MRI1: variants seen among roughly 807,000 people sequenced by gnomAD.
The protein encoded by MRI1 is methylthioribose-1-phosphate isomerase.
In MRI1, 32 loss-of-function variants were observed where a neutral mutation model predicts 27.3. That is an observed-to-expected ratio of 1.17 (90% CI 0.88 to 1.57). The LOEUF (loss-of-function observed/expected upper bound fraction) is 1.57. Ranked by LOEUF, MRI1 falls within the 40% of genes most tolerant of loss-of-function variation. MRI1 has a pLI of 0.00. For synonymous variants in MRI1, 216 were observed against 227.4 expected, an observed-to-expected ratio of 0.95 and a Z score of 0.45; for missense variants, 508 against 516.1, an observed-to-expected ratio of 0.98 and a Z score of 0.15.
intron 3 of MRI1, chr19:13,768,350 T>G (rs1974186527): frequency 7.3e-7 from 1 of 1,364,538 alleles, no homozygotes; most frequent in African/African-American, 1.4e-5. Flanking sequence ...GAAGGTGTCC[T>G]TTAAACAGAC....
In MRI1 at chr19:13,771,943, T is replaced by A. The variant is rs1974276388; in HGVS notation, c.950-178T>A. Among the ~76,000 whole-genome samples the A allele has an allele frequency of 2.0e-5, 3 of 151,906 alleles. No individual in the cohort carries two copies. In the South Asian group the frequency reaches 6.2e-4, roughly 32 times the overall value. On this transcript the variant is annotated intron_variant, in intron 5 of 5. Transcript: ENST00000040663. Reference sequence around the variant, plus strand: ...CTGACATTCTAGGGGCAGTGGCGAGTCTAAACTTACTATTGAGTACAATGT... The same window carrying A: ...CTGACATTCTAGGGGCAGTGGCGAGACTAAACTTACTATTGAGTACAATGT...
In MRI1 at chr19:13,765,948, C is replaced by A; in HGVS notation, c.372-6C>A. 3 of 1,589,166 alleles carry A rather than the reference C, an allele frequency of 1.9e-6. No homozygotes were observed. The highest frequency in any genetic ancestry group is 1.3e-5 in the African/African-American group (1 of 74,446). On this transcript the variant is annotated splice_polypyrimidine_tract_variant and splice_region_variant and intron_variant, in intron 2 of 5. Coordinates refer to ENST00000040663, the MANE Select transcript of MRI1 (RefSeq NM_001031727.4). ...GGCTGGTGCTGAAAACTCCTTGTCA[C>A]CCCAGAGTGATCTGCTGCACCGAGG...
chr19:13,768,254 G>T (rs1471866670), intron 3 of MRI1: 8 of 719,678 alleles, frequency 1.1e-5, no homozygotes, highest in Non-Finnish European at 2.0e-5. Flanking sequence ...GTGTTAGAAG[G>T]TGATAAATGC....
intron 5 of MRI1, among the ~76,000 whole-genome samples, chr19:13,771,639 A>AT (rs1372821794): frequency 1.3e-5 from 2 of 152,206 alleles, no homozygotes; most frequent in Non-Finnish European, 2.9e-5. Context: ...AGGCGGGCAG[A>AT]TCACCTGAGG....
In MRI1 at chr19:13,765,059, A is replaced by G; in HGVS notation, c.321A>G (p.Ala107=). ...ARAARDLADV[A]AREAEREGAT... ...CCGCCCGCGACCTGGCTGATGTTGC[A>G]GCCCGGGAGGCCGAACGGGAGGGCG... Residue 107 remains alanine, a synonymous_variant, in exon 2 of 6, where the codon GCA becomes GCG. Transcript: ENST00000040663. 1.3e-6 allele frequency: 2 copies of G among 1,522,386 alleles called. No individual in the cohort carries two copies. 94.3% of individuals were successfully genotyped at this position (1,522,386 alleles called of 1,614,324 possible).
intron 3 of MRI1, among the ~76,000 whole-genome samples, 198 bp downstream of exon 3, chr19:13,766,327 T>A (rs1046628558): frequency 2.0e-5 from 3 of 152,188 alleles, no homozygotes; most frequent in African/African-American, 7.2e-5. Context: ...GACCTATCTA[T>A]CTCTGTGCTT....
intron 2 of MRI1, 133 bp from the exon 3 acceptor site, chr19:13,765,821 A>C: frequency 1.0e-6 from 1 of 983,140 alleles, no homozygotes; most frequent in Non-Finnish European, 1.5e-6. Context: ...GCCCTGGCCG[A>C]AGGGTCCAGG....
chr19:13,765,965 G>A lies in MRI1; in HGVS notation c.383G>A (p.Cys128Tyr), dbSNP rs771055658. The change falls in exon 3 of 6, where the codon TGC (cysteine) becomes TAC (tyrosine). Residue 128 changes from cysteine (C) to tyrosine (Y), a missense_variant. Transcript: ENST00000040663. ...CCTTGTCACCCCAGAGTGATCTGCT[G>A]CACCGAGGACATGCTGGAGAAAGAC... ...EEAVRERVIC[C>Y]TEDMLEKDLR... 3.7e-6 allele frequency: 6 copies of A among 1,603,290 alleles called. No homozygotes were observed. In the Admixed American group the frequency reaches 6.8e-5, roughly 18 times the overall value.
intron 5 of MRI1, among the ~76,000 whole-genome samples, 178 bp downstream of exon 5, chr19:13,769,226 C>T (rs146809958): frequency 9.5e-4 from 144 of 152,278 alleles, no homozygotes; most frequent in African/African-American, 2.9e-3. Context: ...TGCAGTGGCA[C>T]GATCTGGGCT....
intron 3 of MRI1, 39 bp from the exon 4 acceptor site, chr19:13,768,522 C>T: frequency 1.3e-6 from 2 of 1,594,250 alleles, no homozygotes; most frequent in South Asian, 2.3e-5. Context: ...CTGTTTGCCC[C>T]TCCCCGGGGC....
intron 3 of MRI1, chr19:13,768,356 CA>C: frequency 7.2e-7 from 1 of 1,393,422 alleles, no homozygotes; most frequent in Middle Eastern, 1.8e-4. Flanking sequence ...GTCCTTTAAA[CA>C]GACGTGAAAC....
chr19:13,767,031 ATATATATTTTTTTTTTTTTTTTTT>A (rs1167759179), intron 3 of MRI1, among the ~76,000 whole-genome samples: 7 of 29,100 alleles, frequency 2.4e-4, no homozygotes, highest in African/African-American at 1.0e-3. Flanking sequence ...ATATATATAT[ATATATATTTTTTTTTTTTTTTTTT>A]TTTTTTTTTT....
chr19:13,768,334 C>A, intron 3 of MRI1: 1 of 1,148,984 alleles, frequency 8.7e-7, no homozygotes, highest in Non-Finnish European at 1.3e-6. Flanking sequence ...GGGAAGGCTT[C>A]ACCGAGAAGG....
chr19:13,768,338 GAGA>G, intron 3 of MRI1: 1 of 1,206,184 alleles, frequency 8.3e-7, no homozygotes, highest in Non-Finnish European at 1.2e-6. Flanking sequence ...AGGCTTCACC[GAGA>G]AGGTGTCCTT....
Position 13,768,872 on chromosome 19 carries a change from A to G in MRI1, c.773A>G (p.Asn258Ser), listed in dbSNP as rs1161503517. ...GTGGTTGCCAACGGCGACACAGCCA[A>G]CAAGGTGGGCACCTACCAGCTGGCC... The part of the protein sequence containing the change: ...DRVVANGDTA[N>S]KVGTYQLAIV... The change falls in exon 5 of 6, where the codon AAC becomes AGC. Residue 258 changes from asparagine to serine, a missense_variant. Around this residue, in one of 3 missense-constraint regions of MRI1, gnomAD observed 457 missense variants for 452.8 expected, o/e 1.01. Transcript: ENST00000040663. The G allele has an allele frequency of 1.9e-6, 3 of 1,612,886 alleles. No homozygotes were observed. The highest frequency in any genetic ancestry group is 2.5e-6 in the Non-Finnish European group (3 of 1,179,168).
rs1251919879 is a variant in MRI1 at position 13,766,052 on chromosome 19, C to G, written c.470C>G (p.Pro157Arg). 6.2e-7 allele frequency: 1 copy of G among 1,612,972 alleles called. No homozygotes were observed. Among genetic ancestry groups the G allele is most frequent in the Non-Finnish European group, 8.5e-7 (1 of 1,179,852 alleles). The change falls in exon 3 of 6, where the codon CCC (proline) becomes CGC (arginine). Residue 157 changes from proline to arginine, a missense_variant. By Grantham distance (103) the Pro-to-Arg change is moderately radical (BLOSUM62 -2). Coordinates refer to ENST00000040663, the MANE Select transcript of MRI1 (RefSeq NM_001031727.4). ...GARHLLERVA[P>R]SGGKVTVLTH... The stretch of plus-strand genomic sequence containing the variant: ...CGCCACCTCCTGGAGCGGGTGGCCC[C>G]CAGCGGTGGCAAGGTGACTGTGCTG...
At position 13,773,658 on chromosome 19, in the gene MRI1, C is replaced by CAAAA. The variant is rs1359930653; in HGVS notation, c.*1378_*1381dup. The CAAAA allele has an allele frequency of 2.6e-5, 4 of 152,014 alleles. No individual in the cohort carries two copies. Among genetic ancestry groups the CAAAA allele is most frequent in the African/African-American group, 9.8e-5 (4 of 40,712 alleles). 9.4% of individuals were successfully genotyped at this position (152,014 alleles called of 1,614,324 possible). A position where few individuals can be genotyped will look rare whatever the true frequency, so the allele number is the denominator to read the frequency against. ...AAAAAAAAAAAAAATCCATGATGAACAAAACAAGTATTTGTTTGAGACGGG... is the reference window on the plus strand; with the variant it reads ...AAAAAAAAAAAAAATCCATGATGAACAAAAAAAACAAGTATTTGTTTGAGACGGG... On this transcript the variant is annotated 3_prime_UTR_variant, in exon 6 of 6. Coordinates refer to ENST00000040663, the MANE Select transcript of MRI1 (RefSeq NM_001031727.4).
Position 13,764,611 on chromosome 19 carries a change from A to G in MRI1, c.23A>G (p.Tyr8Cys). The G allele has an allele frequency of 4.4e-6, 7 of 1,609,136 alleles. No homozygotes were observed. Among genetic ancestry groups the G allele is most frequent in the Non-Finnish European group, 5.9e-6 (7 of 1,179,088 alleles). The change falls in exon 1 of 6, where the codon TAC becomes TGC. Residue 8 changes from tyrosine to cysteine, a missense_variant. Around this residue, in one of 3 missense-constraint regions of MRI1, gnomAD observed 32 missense variants for 20.2 expected, o/e 1.58. Transcript: ENST00000040663. ...ACCATGACCCTGGAGGCGATCCGCT[A>G]CTCGCGGGGCTCCCTGCAGATCCTA... is the stretch of plus-strand genomic sequence containing the variant. MTLEAIR[Y>C]SRGSLQILDQ...
At chr19:13,769,548 T>C (rs980404268) in intron 5 of MRI1, among the ~76,000 whole-genome samples, 2 of 152,148 alleles carry the variant, frequency 1.3e-5, no homozygotes, top group African/African-American at 4.8e-5. Flanking sequence ...TGAATGATCT[T>C]GAGTAACTGT....
Sources: gnomAD v4.1 joint callset for allele counts (sites outside exome capture counted in the v4.1 genomes callset) on GRCh38, gnomAD v4.1.1 for gene constraint, gnomAD v4.1.1 regional missense constraint, MANE v1.5 for transcripts, NCBI Gene and HGNC (gene_info 2026-07-23, HGNC 2026-07-21) for gene names.